The following TBC1D9B variants were observed in gnomAD, a reference collection of about 807,000 sequenced individuals.
The protein encoded by TBC1D9B is TBC1 domain family, member 9B (with GRAM domain).
In TBC1D9B, 87 loss-of-function variants were observed where a neutral mutation model predicts 121.1. That is an observed-to-expected ratio of 0.72 (90% CI 0.60 to 0.86). TBC1D9B has a LOEUF of 0.86. Ranked by LOEUF, TBC1D9B falls within the 40% of genes least tolerant of loss-of-function variation. The pLI, the probability that TBC1D9B is intolerant of heterozygous loss-of-function variation, is 0.00. For missense variants in TBC1D9B, 1,540 were observed against 1,628.6 expected (o/e 0.95, Z 0.94); for synonymous variants, 668 against 670.1 (o/e 1.00, Z 0.05).
rs564153551 is a variant in TBC1D9B at position 179,897,696 on chromosome 5, G to A, written c.348+1493C>T. ...GTCATTTGGTTTGTTCTGCTGATGC[G>A]TTTGTTGGGCCTGGCATATAGGAGG... On this transcript the variant is annotated intron_variant, in intron 3 of 20. Coordinates refer to ENST00000355235, the MANE Select transcript of TBC1D9B (RefSeq NM_015043.4). Among the ~76,000 whole-genome samples, 18 of 152,306 alleles carry A rather than the reference G, an allele frequency of 1.2e-4. No homozygotes were observed. In the East Asian group the frequency reaches 2.1e-3, roughly 18 times the overall value.
chr5:179,894,304 T>G, intron 4 of TBC1D9B, 82 bp downstream of exon 4: 9 of 1,261,776 alleles, frequency 7.1e-6, no homozygotes, highest in East Asian at 2.5e-5. Context: ...CTGGTGGCCA[T>G]GTGGGGATGG....
rs887489960 is a variant in TBC1D9B at position 179,902,842 on chromosome 5, G to A, written c.229+1860C>T. On this transcript the variant is annotated intron_variant, in intron 2 of 20. Transcript: ENST00000355235. The surrounding 1 kb of genome is among the most constrained non-coding windows in gnomAD (Gnocchi z 4.9). ...CCCCAGGGTCCACTCAGGCTCTGAAGCCAGAGATCGGGGGTCTAACTGGGC... is the reference window on the plus strand; with the variant it reads ...CCCCAGGGTCCACTCAGGCTCTGAAACCAGAGATCGGGGGTCTAACTGGGC... 3.9e-5 allele frequency among the ~76,000 whole-genome samples: 6 copies of A among 152,164 alleles called. No individual in the cohort carries two copies. The highest frequency in any genetic ancestry group is 6.5e-5 in the Admixed American group (1 of 15,292).
chr5:179,899,470 C>G (rs188040242), intron 2 of TBC1D9B, among the ~76,000 whole-genome samples, 163 bp from the exon 3 acceptor site: 2 of 152,208 alleles, frequency 1.3e-5, no homozygotes, highest in Middle Eastern at 3.4e-3. Flanking sequence ...ATGTGCATAA[C>G]AAAGTAATAA....
At position 179,893,358 on chromosome 5, in the gene TBC1D9B, G is replaced by A; in HGVS notation, c.687C>T (p.Ser229=). ...AGGTCTCGCCGATGTTGAGGAACAT[G>A]GAGAAGAAGAGCTCCTGGTCGCGGG... is the stretch of plus-strand genomic sequence containing the variant. ...VDTRDQELFF[S]MFLNIGETFK... The change falls in exon 5 of 21, where the codon TCC becomes TCT. Residue 229 remains serine, a synonymous_variant. Coordinates refer to ENST00000355235, the MANE Select transcript of TBC1D9B (RefSeq NM_015043.4). 6.2e-7 allele frequency: 1 copy of A among 1,614,196 alleles called. No individual in the cohort carries two copies. Among genetic ancestry groups the A allele is most frequent in the Non-Finnish European group, 8.5e-7 (1 of 1,180,042 alleles).
chr5:179,902,650 G>A lies in TBC1D9B; in HGVS notation c.229+2052C>T, dbSNP rs549591772. ...TAAAGGGATTCCCACTCTGCCCCTC[G>A]TACTTTTCTCTCCCCAGGGACGGGC... On this transcript the variant is annotated intron_variant, in intron 2 of 20. Coordinates refer to ENST00000355235, the MANE Select transcript of TBC1D9B (RefSeq NM_015043.4). The surrounding 1 kb of genome is among the most constrained non-coding windows in gnomAD (Gnocchi z 4.9). Among the ~76,000 whole-genome samples, 1 of 152,102 alleles carries A rather than the reference G, an allele frequency of 6.6e-6. No individual in the cohort carries two copies. Among genetic ancestry groups the A allele is most frequent in the Non-Finnish European group, 1.5e-5 (1 of 68,012 alleles).
intron 7 of TBC1D9B, among the ~76,000 whole-genome samples, chr5:179,882,866 G>T (rs1197517524): frequency 6.6e-6 from 1 of 152,164 alleles, no homozygotes; most frequent in Non-Finnish European, 1.5e-5. Flanking sequence ...CTAAAATGTT[G>T]TTACTGTATC....
intron 3 of TBC1D9B, among the ~76,000 whole-genome samples, chr5:179,896,239 G>C (rs1761015212): frequency 6.6e-6 from 1 of 152,174 alleles, no homozygotes; most frequent in African/African-American, 2.4e-5. Context: ...GAATATATGA[G>C]ATACACACAT....
chr5:179,881,732 T>C (rs953498974), intron 7 of TBC1D9B, among the ~76,000 whole-genome samples: 1 of 152,192 alleles, frequency 6.6e-6, no homozygotes. Context: ...ATATTTATAC[T>C]GTAACATTTT....
chr5:179,876,055 A>G lies in TBC1D9B; in HGVS notation c.1783-18T>C. 1.9e-6 allele frequency: 3 copies of G among 1,607,898 alleles called. No individual in the cohort carries two copies. Among genetic ancestry groups the G allele is most frequent in the East Asian group, 2.2e-5 (1 of 44,608 alleles). Reference sequence around the variant, plus strand: ...TTCATTGCCTGCCGGGCACAGAGACAGCCGGGGAAGGCTTGCACTGCTGGC... The same window carrying G: ...TTCATTGCCTGCCGGGCACAGAGACGGCCGGGGAAGGCTTGCACTGCTGGC... On this transcript the variant is annotated intron_variant, in intron 10 of 20. Transcript: ENST00000355235.
At chr5:179,884,437 C>T (rs1561641736) in intron 7 of TBC1D9B, 1 of 152,142 alleles carries the variant, frequency 6.6e-6, no homozygotes, top group Non-Finnish European at 1.5e-5. Flanking sequence ...CTGTGGTGCA[C>T]AGTTGGTGGA....
intron 17 of TBC1D9B, chr5:179,868,631 A>G (rs1760091700): frequency 6.6e-6 from 1 of 152,244 alleles, no homozygotes; most frequent in Non-Finnish European, 1.5e-5. Context: ...CCAGCCACGC[A>G]CAGGCAACTT....
rs1250473647 is a variant in TBC1D9B at position 179,875,930 on chromosome 5, G to C, written c.1890C>G (p.Thr630=). ...CCCGGGGACACTCACCCACCACCCTGGTGTTGTAGTAGTCGGGCAGCATGC... is the reference window on the plus strand; with the variant it reads ...CCCGGGGACACTCACCCACCACCCTCGTGTTGTAGTAGTCGGGCAGCATGC... ...CERMLPDYYN[T]RVVGALVDQG... The change falls in exon 11 of 21, where the codon ACC becomes ACG. Residue 630 remains threonine (T), a synonymous_variant. Coordinates refer to ENST00000355235, the MANE Select transcript of TBC1D9B (RefSeq NM_015043.4). The surrounding 1 kb of genome is among the most constrained non-coding windows in gnomAD (Gnocchi z 4.5). 6.2e-7 allele frequency: 1 copy of C among 1,606,460 alleles called. No individual in the cohort carries two copies. The highest frequency in any genetic ancestry group is 8.5e-7 in the Non-Finnish European group (1 of 1,177,274).
chr5:179,872,848 G>GCCCCCCCCGCCCCCCC, intron 14 of TBC1D9B, 44 bp downstream of exon 14: 2 of 1,457,254 alleles, frequency 1.4e-6, no homozygotes, highest in East Asian at 2.4e-5. Context: ...AGGCACTGCT[G>GCCCCCCCCGCCCCCCC]CCCCCCCAGC....
chr5:179,869,613 T>A lies in TBC1D9B; in HGVS notation c.2791+156A>T, dbSNP rs528086754. ...CTGCTCTCAGACCTCTGTGAAGTGC[T>A]CAAGCTCCCGCTCCCTCTCCTCCAA... On this transcript the variant is annotated intron_variant, in intron 17 of 20. Coordinates refer to ENST00000355235, the MANE Select transcript of TBC1D9B (RefSeq NM_015043.4). 2.1e-5 allele frequency: 17 copies of A among 815,100 alleles called. No individual in the cohort carries two copies. In the African/African-American group the frequency reaches 2.2e-4, roughly 11 times the overall value. The allele number at this position is 815,100 out of a possible 1,614,324, so 50.5% of individuals were successfully genotyped here. A position where few individuals can be genotyped will look rare whatever the true frequency, so the allele number is the denominator to read the frequency against.
rs148630555 is a variant in TBC1D9B at position 179,885,461 on chromosome 5, C to T, written c.1254+2642G>A. Among the ~76,000 whole-genome samples the T allele has an allele frequency of 0.016, 2,455 of 151,974 alleles. 54 individuals carry two copies. Among genetic ancestry groups the T allele is most frequent in the East Asian group, 0.11 (566 of 5,142 alleles). On this transcript the variant is annotated intron_variant, in intron 7 of 20. Coordinates refer to ENST00000355235, the MANE Select transcript of TBC1D9B (RefSeq NM_015043.4). The surrounding 1 kb of genome is among the most constrained non-coding windows in gnomAD (Gnocchi z 4.5). ...AAAATAAGCCGGGCGTGGTGGTGGA[C>T]GCCTGTAATCCCAGCTACTCGGGAG...
Position 179,890,395 on chromosome 5 carries a change from AC to A in TBC1D9B, c.1044+983del, listed in dbSNP as rs142580428. ...AAACGGAGCCTCAGGTGTCAGGAAG[AC>A]CCCTAGGCCTGGGGGACAGGTCAGT... is the stretch of plus-strand genomic sequence containing the variant. On this transcript the variant is annotated intron_variant, in intron 6 of 20. Coordinates refer to ENST00000355235, the MANE Select transcript of TBC1D9B (RefSeq NM_015043.4). The surrounding 1 kb of genome is among the most constrained non-coding windows in gnomAD (Gnocchi z 5.0). Among the ~76,000 whole-genome samples, 759 of 152,174 alleles carry A rather than the reference AC, an allele frequency of 5.0e-3. 5 individuals are homozygous for A. The highest frequency in any genetic ancestry group is 0.017 in the African/African-American group (723 of 41,522).
At chr5:179,869,911 T>C (rs1760138572) in intron 16 of TBC1D9B, 77 bp from the exon 17 acceptor site, 2 of 1,354,586 alleles carry the variant, frequency 1.5e-6, no homozygotes, top group Non-Finnish European at 2.0e-6. Context: ...AGTAGGACCC[T>C]CTTCACAGCC....
chr5:179,905,114 C>T (rs1299924759), intron 1 of TBC1D9B, among the ~76,000 whole-genome samples: 1 of 152,162 alleles, frequency 6.6e-6, no homozygotes, highest in Non-Finnish European at 1.5e-5. Context: ...CTGGGAAGCC[C>T]TCTTTACGTA....
rs36027894 is a variant in TBC1D9B at position 179,885,594 on chromosome 5, C to CA, written c.1254+2508dup. 1.2e-4 allele frequency among the ~76,000 whole-genome samples: 17 copies of CA among 140,904 alleles called. No individual in the cohort carries two copies. Among genetic ancestry groups the CA allele is most frequent in the Non-Finnish European group, 9.1e-5 (6 of 66,192 alleles). The allele number at this position is 140,904 out of a possible 152,430, so 92.4% of individuals were successfully genotyped here. A position where few individuals can be genotyped will look rare whatever the true frequency, so the allele number is the denominator to read the frequency against. On this transcript the variant is annotated intron_variant, in intron 7 of 20. Coordinates refer to ENST00000355235, the MANE Select transcript of TBC1D9B (RefSeq NM_015043.4). This position sits in a 1 kb window ranked among gnomAD's most constrained non-coding sequence, Gnocchi z 4.5. ...ACAGAGCAAGACTCTGTCCCCCCCC[C>CA]AAAAAAAAAAAGATGGAGGTATTTT...
Sources: gnomAD v4.1 joint callset for allele counts (sites outside exome capture counted in the v4.1 genomes callset) on GRCh38, gnomAD v4.1.1 for gene constraint, Gnocchi (gnomAD v3.1) non-coding constraint, MANE v1.5 for transcripts, NCBI Gene and HGNC (gene_info 2026-07-23, HGNC 2026-07-21) for gene names.